Variants in SLCO4C1 observed in about 807,000 individuals in gnomAD.
The protein encoded by SLCO4C1 is organic anion transporter M1.
A neutral mutation model predicts 72.1 loss-of-function variants in SLCO4C1; 58 were observed. That is an observed-to-expected ratio of 0.80 (90% confidence interval 0.65 to 1.00). The LOEUF (loss-of-function observed/expected upper bound fraction) is 1.00. Ranked by LOEUF, SLCO4C1 falls within the 50% of genes least tolerant of loss-of-function variation. The pLI, the probability that SLCO4C1 is intolerant of heterozygous loss-of-function variation, is 0.00. For synonymous variants in SLCO4C1, 297 were observed against 312.5 expected, an observed-to-expected ratio of 0.95 and a Z score of 0.52; for missense variants, 898 against 857.9, an observed-to-expected ratio of 1.05 and a Z score of -0.58.
intron 3 of SLCO4C1, among the ~76,000 whole-genome samples, chr5:102,270,145 C>T (rs1052658047): frequency 1.3e-5 from 2 of 152,060 alleles, no homozygotes; most frequent in African/African-American, 2.4e-5. Flanking sequence ...GTTAGCTTTA[C>T]CTTGCAGGAA....
intron 7 of SLCO4C1, 80 bp from the exon 8 acceptor site, chr5:102,257,390 A>G: frequency 8.9e-7 from 1 of 1,121,488 alleles, no homozygotes; most frequent in South Asian, 2.0e-5. Flanking sequence ...AACATCAAAA[A>G]CAAGTGTCAA....
intron 1 of SLCO4C1, among the ~76,000 whole-genome samples, chr5:102,293,325 A>G (rs1749589016): frequency 2.0e-5 from 3 of 152,178 alleles, no homozygotes. Context: ...TCTTTATGGT[A>G]AAACTTCTCT....
At chr5:102,262,405 A>G (rs1002868500) in intron 4 of SLCO4C1, among the ~76,000 whole-genome samples, 3 of 152,198 alleles carry the variant, frequency 2.0e-5, no homozygotes, top group Non-Finnish European at 4.4e-5. Context: ...ATCTGTGTTA[A>G]AAGTCCAGAG....
At chr5:102,277,994 A>G (rs187532212) in intron 2 of SLCO4C1, among the ~76,000 whole-genome samples, 162 of 152,272 alleles carry the variant, frequency 1.1e-3, no homozygotes, top group African/African-American at 3.8e-3. Flanking sequence ...TATTAAAAGT[A>G]CAGGTTTAAA....
At position 102,239,233 on chromosome 5, in the gene SLCO4C1, C is replaced by A; in HGVS notation, c.2014+18G>T. 1 of 1,530,884 alleles carries A rather than the reference C, an allele frequency of 6.5e-7. No individual in the cohort carries two copies. The allele number at this position is 1,530,884 out of a possible 1,614,324, so 94.8% of individuals were successfully genotyped here. ...CATCCTTAGTTTACTCTAAAATTAT[C>A]AAGAAGTCACCACTTACTTATGGCT... is the stretch of plus-strand genomic sequence containing the variant. On this transcript the variant is annotated intron_variant, in intron 12 of 12. Coordinates refer to ENST00000310954, the MANE Select transcript of SLCO4C1 (RefSeq NM_180991.5).
At chr5:102,239,181 A>G (rs41403944) in intron 12 of SLCO4C1, 70 bp downstream of exon 12, 202,900 of 1,391,800 alleles carry the variant, frequency 0.15, 16,492 homozygotes, top group South Asian at 0.28. Context: ...ACCCTAAGTA[A>G]CCAACAATGA....
intron 3 of SLCO4C1, among the ~76,000 whole-genome samples, chr5:102,264,904 T>C (rs1234899854): frequency 4.6e-5 from 7 of 152,120 alleles, no homozygotes; most frequent in Non-Finnish European, 1.0e-4. Context: ...GCCTGACTTG[T>C]TTCATTTAAC....
intron 2 of SLCO4C1, among the ~76,000 whole-genome samples, chr5:102,289,384 C>T (rs79268151): frequency 0.02 from 3,026 of 152,242 alleles, 64 homozygotes; most frequent in African/African-American, 0.055. Context: ...GAAGACAGAT[C>T]AGGCTTTGTA....
chr5:102,249,989 T>C (rs1008653083), intron 8 of SLCO4C1, among the ~76,000 whole-genome samples: 2 of 152,204 alleles, frequency 1.3e-5, no homozygotes, highest in African/African-American at 2.4e-5. Flanking sequence ...TCATATAGTA[T>C]AGTATCTGTC....
intron 2 of SLCO4C1, among the ~76,000 whole-genome samples, chr5:102,279,240 A>G (rs553295060): frequency 6.6e-6 from 1 of 152,124 alleles, no homozygotes; most frequent in South Asian, 2.1e-4. Context: ...GACAACTTAG[A>G]TGAAATGGGT....
At chr5:102,268,361 T>C (rs1749084295) in intron 3 of SLCO4C1, among the ~76,000 whole-genome samples, 1 of 152,194 alleles carries the variant, frequency 6.6e-6, no homozygotes, top group African/African-American at 2.4e-5. Flanking sequence ...TGATATTCTT[T>C]GTCTCTTTCT....
chr5:102,260,627 A>C (rs1369386462), intron 5 of SLCO4C1, among the ~76,000 whole-genome samples: 1 of 151,926 alleles, frequency 6.6e-6, no homozygotes, highest in Non-Finnish European at 1.5e-5. Context: ...AAAATGAGAC[A>C]ATTTTGCTCC....
At chr5:102,261,786 T>C in intron 5 of SLCO4C1, 126 bp downstream of exon 5, 1 of 943,356 alleles carries the variant, frequency 1.1e-6, no homozygotes, top group African/African-American at 1.7e-5. Flanking sequence ...AAAGTTTACA[T>C]AGGCAGACAG....
In SLCO4C1 at chr5:102,247,332, C is replaced by T. The variant is rs1347381300; in HGVS notation, c.1731G>A (p.Leu577=). Residue 577 remains leucine, a synonymous_variant, in exon 10 of 13, where the codon CTG becomes CTA. Transcript: ENST00000310954. Reference sequence around the variant, plus strand: ...TAAAGAAAATGCAAAGGAATATGGGCAGTTTCGCACAATGAGTTTCACATT... The same window carrying T: ...TAAAGAAAATGCAAAGGAATATGGGTAGTTTCGCACAATGAGTTTCACATT... ...AGKCETHCAK[L]PIFLCIFFIV... The T allele has an allele frequency of 6.3e-7, 1 of 1,598,338 alleles. No homozygotes were observed. The highest frequency in any genetic ancestry group is 8.6e-7 in the Non-Finnish European group (1 of 1,168,766).
Position 102,257,985 on chromosome 5 carries a change from T to G in SLCO4C1, c.1231A>C (p.Asn411His). 1.9e-6 allele frequency: 3 copies of G among 1,608,964 alleles called. No individual in the cohort carries two copies. The highest frequency in any genetic ancestry group is 2.5e-6 in the Non-Finnish European group (3 of 1,178,418). ...AAGCTGGATGTCAATCCGAATTGAT[T>G]TTCTATAAATTTAGGTAAAAATGTA... ...FATFLPKFIENQFGLTSSFAA... is the reference protein window; with the variant it reads ...FATFLPKFIEHQFGLTSSFAA... The change falls in exon 7 of 13, where the codon AAT becomes CAT. Residue 411 changes from asparagine to histidine, a missense_variant. Physicochemically the swap from Asn to His is moderately conservative, Grantham distance 68. Transcript: ENST00000310954.
At chr5:102,253,844 C>T (rs1386008837) in intron 8 of SLCO4C1, among the ~76,000 whole-genome samples, 1 of 151,660 alleles carries the variant, frequency 6.6e-6, no homozygotes, top group Non-Finnish European at 1.5e-5. Context: ...CAGTACTATG[C>T]TTGGTACCTG....
chr5:102,270,788 CTTG>C lies in SLCO4C1; in HGVS notation c.635_637del (p.Thr212del). The C allele has an allele frequency of 5.7e-6, 9 of 1,587,192 alleles. No homozygotes were observed. Among genetic ancestry groups the C allele is most frequent in the African/African-American group, 2.8e-5 (2 of 71,266 alleles). On this transcript the variant is annotated inframe_deletion, in exon 3 of 13. Transcript: ENST00000310954. ...TGAAGATGTACAACTGGTGCTATTC[CTTG>C]TTGTTACACAAGTGTCTTTGTGGAA...
At chr5:102,240,262 T>C (rs1341849616) in intron 11 of SLCO4C1, among the ~76,000 whole-genome samples, 2 of 152,120 alleles carry the variant, frequency 1.3e-5, no homozygotes, top group Non-Finnish European at 2.9e-5. Context: ...TCTTGTAATT[T>C]GTCCTGTACC....
At chr5:102,243,052 G>GTGGTAGTCTGGCAGTACTCC (rs1317182419) in intron 10 of SLCO4C1, among the ~76,000 whole-genome samples, 1 of 152,168 alleles carries the variant, frequency 6.6e-6, no homozygotes, top group Non-Finnish European at 1.5e-5. Context: ...AGGAACATTG[G>GTGGTAGTCTGGCAGTACTCC]TGGTAGTCTG....
Sources: allele counts gnomAD v4.1 joint callset (sites outside exome capture counted in the v4.1 genomes callset), GRCh38; gene constraint gnomAD v4.1.1; transcripts MANE v1.5; gene names NCBI Gene and HGNC (gene_info 2026-07-23, HGNC 2026-07-21).